Variants in COBLL1 observed in about 807,000 individuals in gnomAD.
The protein encoded by COBLL1 is cordon-bleu protein-like 1.
Under a neutral mutation model 94.8 loss-of-function variants are expected in COBLL1, and 50 were observed. The observed-to-expected ratio is 0.53, with a 90% confidence interval of 0.42 to 0.67. COBLL1 has a LOEUF of 0.67. COBLL1 is among the 30% of genes least tolerant of loss of function. The pLI is 0.00. For synonymous variants in COBLL1, 448 were observed against 473.8 expected (o/e 0.95, Z 0.71); for missense variants, 1,362 against 1,348.7 (o/e 1.01, Z -0.15).
chr2:164,800,655 T>C, intron 2 of COBLL1: 1 of 671,068 alleles, frequency 1.5e-6, no homozygotes, highest in South Asian at 1.6e-5. Context: ...ACAATCTAAC[T>C]GGTATTCAAT....
At chr2:164,762,696 C>CTTTT (rs71028440) in intron 2 of COBLL1, among the ~76,000 whole-genome samples, 5 of 132,758 alleles carry the variant, frequency 3.8e-5, no homozygotes, top group Non-Finnish European at 6.4e-5. Flanking sequence ...GCCTATCATC[C>CTTTT]TTTTTTTTTT....
rs188730961 is a variant in COBLL1, at chr2:164,668,687, T to G, written n.127-2786A>C. Reference sequence around the variant, plus strand: ...AGTGAAATGAGGTATGCCTGTATATTTAGTGCCCTGCTTTTTAACTTTTCC... The same window carrying G: ...AGTGAAATGAGGTATGCCTGTATATGTAGTGCCCTGCTTTTTAACTTTTCC... On this transcript the variant is annotated intron_variant and non_coding_transcript_variant, in intron 1 of 2. Coordinates refer to the COBLL1 transcript ENST00000495084. Among the ~76,000 whole-genome samples the G allele has an allele frequency of 1.5e-4, 23 of 152,358 alleles. No homozygotes were observed. In the East Asian group the frequency reaches 4.0e-3, roughly 27 times the overall value.
chr2:164,665,288 C>T (rs1357805333), intron 2 of COBLL1, among the ~76,000 whole-genome samples: 1 of 149,564 alleles, frequency 6.7e-6, no homozygotes, highest in Non-Finnish European at 1.5e-5. Context: ...TGAAATCGCA[C>T]CACTGCACTC....
At chr2:164,773,165 T>G (rs1688291634) in intron 2 of COBLL1, among the ~76,000 whole-genome samples, 1 of 121,168 alleles carries the variant, frequency 8.3e-6, no homozygotes, top group South Asian at 2.4e-4. Context: ...AATTCTAGTT[T>G]GAATTTCTGT....
At chr2:164,803,381 C>A (rs887017029) in intron 2 of COBLL1, among the ~76,000 whole-genome samples, 4 of 151,190 alleles carry the variant, frequency 2.6e-5, no homozygotes, top group Non-Finnish European at 3.0e-5. Context: ...CCGGCTAAAA[C>A]GGTGAAACCC....
intron 3 of COBLL1, among the ~76,000 whole-genome samples, chr2:164,742,061 C>A (rs1686626260): frequency 2.6e-5 from 4 of 151,764 alleles, no homozygotes; most frequent in Admixed American, 6.6e-5. Flanking sequence ...ATCTCGGTTT[C>A]CAGAGTTGAG....
At chr2:164,818,206 G>T (rs1316997320) in intron 2 of COBLL1, among the ~76,000 whole-genome samples, 1 of 135,092 alleles carries the variant, frequency 7.4e-6, no homozygotes, top group Non-Finnish European at 1.6e-5. Flanking sequence ...GTATACATAT[G>T]TGTGTATATA....
intron 2 of COBLL1, among the ~76,000 whole-genome samples, chr2:164,804,200 A>C (rs1268609535): frequency 6.6e-6 from 1 of 152,092 alleles, no homozygotes; most frequent in African/African-American, 2.4e-5. Flanking sequence ...CTAATATGAA[A>C]AATGGTTTGG....
chr2:164,774,264 C>T (rs759621245), intron 2 of COBLL1, among the ~76,000 whole-genome samples: 1 of 152,046 alleles, frequency 6.6e-6, no homozygotes, highest in Non-Finnish European at 1.5e-5. Flanking sequence ...CTGGCAGATG[C>T]CCTAAATTGT....
At chr2:164,698,310 ATGGTAT>A (rs1684059395) in intron 11 of COBLL1, 1 of 151,570 alleles carries the variant, frequency 6.6e-6, no homozygotes, top group Non-Finnish European at 1.5e-5. Context: ...ATATCTCACA[ATGGTAT>A]TGAATGTGGG....
rs574060760 is a variant in COBLL1, at chr2:164,687,639, A to C, written c.3301-1607T>G. On this transcript the variant is annotated intron_variant, in intron 13 of 13. Coordinates refer to ENST00000652658, the MANE Select transcript of COBLL1 (RefSeq NM_001365672.2). ...GGTCAGAGACATGAACATACATCTG[A>C]AAGGCCTATTATCAAGGTCCCTTAG... 1.1e-4 allele frequency: 103 copies of C among 946,248 alleles called. 2 individuals carry two copies. In the South Asian group the frequency reaches 1.3e-3, roughly 12 times the overall value. 58.6% of individuals were successfully genotyped at this position (946,248 alleles called of 1,614,324 possible).
intron 2 of COBLL1, among the ~76,000 whole-genome samples, chr2:164,833,508 T>C (rs916400127): frequency 2.0e-5 from 3 of 150,382 alleles, no homozygotes; most frequent in African/African-American, 7.4e-5. Flanking sequence ...CGGACTGCAG[T>C]GGCGTTATCC....
intron 2 of COBLL1, among the ~76,000 whole-genome samples, chr2:164,805,656 G>T (rs965903118): frequency 4.6e-5 from 7 of 151,690 alleles, no homozygotes; most frequent in Non-Finnish European, 8.8e-5. Context: ...TCTGTTCATG[G>T]CTTGATAGTT....
chr2:164,713,057 GT>G (rs1006707250), intron 7 of COBLL1, among the ~76,000 whole-genome samples: 2 of 152,086 alleles, frequency 1.3e-5, no homozygotes, highest in Non-Finnish European at 2.9e-5. Flanking sequence ...TTTTGGTGGG[GT>G]GGGGGAAGTT....
At chr2:164,740,238 C>T (rs551402645) in intron 3 of COBLL1, among the ~76,000 whole-genome samples, 16 of 152,206 alleles carry the variant, frequency 1.1e-4, no homozygotes, top group African/African-American at 3.9e-4. Flanking sequence ...TAGCACACGC[C>T]TGTGGTCCTA....
Position 164,695,774 on chromosome 2 carries a change from T to C in COBLL1, c.1618A>G (p.Lys540Glu). The C allele has an allele frequency of 1.2e-6, 2 of 1,611,976 alleles. No homozygotes were observed. The highest frequency in any genetic ancestry group is 1.7e-6 in the Non-Finnish European group (2 of 1,179,114). Residue 540 changes from lysine to glutamate, a missense_variant, in exon 12 of 14, where the codon AAG (lysine) becomes GAG (glutamate). Transcript: ENST00000652658. ...NTEDNMKNGV[K>E]KTEINVEGVA... ...CCTTCTACATTGATTTCTGTTTTCTTCACTCCATTTTTCATATTGTCTTCT... is the reference window on the plus strand; with the variant it reads ...CCTTCTACATTGATTTCTGTTTTCTCCACTCCATTTTTCATATTGTCTTCT...
At chr2:164,705,548 C>A (rs1489287092) in intron 7 of COBLL1, among the ~76,000 whole-genome samples, 1 of 152,078 alleles carries the variant, frequency 6.6e-6, no homozygotes, top group Non-Finnish European at 1.5e-5. Context: ...TACCTGAGGC[C>A]AGGTCCTTCA....
chr2:164,717,104 T>G (rs1685208445), intron 7 of COBLL1, among the ~76,000 whole-genome samples: 1 of 152,206 alleles, frequency 6.6e-6, no homozygotes, highest in African/African-American at 2.4e-5. Flanking sequence ...CTACTTCTCA[T>G]GCAATGTAAC....
At chr2:164,662,148 C>T (rs1278566892) in intron 2 of COBLL1, among the ~76,000 whole-genome samples, 1 of 152,104 alleles carries the variant, frequency 6.6e-6, no homozygotes, top group African/African-American at 2.4e-5. Flanking sequence ...AGCCAGAAGT[C>T]GAGTTAACAT....
Sources: gnomAD v4.1 joint callset for allele counts (sites outside exome capture counted in the v4.1 genomes callset) on GRCh38, gnomAD v4.1.1 for gene constraint, MANE v1.5 for transcripts, NCBI Gene and HGNC (gene_info 2026-07-23, HGNC 2026-07-21) for gene names.